MECOM: variants seen among roughly 807,000 people sequenced by gnomAD.
The protein encoded by MECOM is histone-lysine N-methyltransferase MECOM.
Under a neutral mutation model 116.3 loss-of-function variants are expected in MECOM, and 13 were observed. That is an observed-to-expected ratio of 0.11 (90% confidence interval 0.07 to 0.18). The LOEUF is 0.18. Ranked by LOEUF, MECOM falls within the 10% of genes least tolerant of loss-of-function variation. The pLI is 1.00. For missense variants in MECOM, 1,299 were observed against 1,509.0 expected, an observed-to-expected ratio of 0.86 and a Z score of 2.31; for synonymous variants, 528 against 535.2, an observed-to-expected ratio of 0.99 and a Z score of 0.19.
intron 1 of MECOM, among the ~76,000 whole-genome samples, chr3:169,553,606 C>T (rs1013697245): frequency 6.6e-6 from 1 of 152,198 alleles, no homozygotes; most frequent in African/African-American, 2.4e-5. Context: ...CCACAATTTC[C>T]ATTACAAAAT....
At chr3:169,326,991 A>G (rs1409173270) in intron 2 of MECOM, among the ~76,000 whole-genome samples, 1 of 152,208 alleles carries the variant, frequency 6.6e-6, no homozygotes, top group African/African-American at 2.4e-5. Flanking sequence ...CTTTCAATAA[A>G]CAGCTTTATG....
Position 169,495,321 on chromosome 3 carries a change from G to A in MECOM, c.38-113797C>T, listed in dbSNP as rs1002094850. On this transcript the variant is annotated intron_variant, in intron 1 of 16. Transcript: ENST00000651503. The stretch of plus-strand genomic sequence containing the variant: ...TTGTATGTGGGGGAGGACAGGGATG[G>A]AGCAGCAGATGGTTCAATTGTACAG... Among the ~76,000 whole-genome samples, 25 of 152,180 alleles carry A rather than the reference G, an allele frequency of 1.6e-4. 1 individual carries two copies. The highest frequency in any genetic ancestry group is 9.2e-4 in the Admixed American group (14 of 15,282).
At chr3:169,088,765 G>A (rs528773332) in intron 16 of MECOM, among the ~76,000 whole-genome samples, 30 of 152,202 alleles carry the variant, frequency 2.0e-4, no homozygotes, top group African/African-American at 6.7e-4. Flanking sequence ...AGTGTAGGAT[G>A]GGGCTTGTCA....
intron 2 of MECOM, among the ~76,000 whole-genome samples, chr3:169,237,319 A>G (rs1399033641): frequency 6.6e-6 from 1 of 152,152 alleles, no homozygotes; most frequent in Non-Finnish European, 1.5e-5. Context: ...TGAAATGTAA[A>G]ATCTTATCCT....
intron 1 of MECOM, among the ~76,000 whole-genome samples, chr3:169,490,775 T>C (rs1009965298): frequency 1.7e-4 from 26 of 152,194 alleles, no homozygotes; most frequent in Non-Finnish European, 3.7e-4. Flanking sequence ...TTATCTGTAA[T>C]ATTTTCTTTC....
chr3:169,424,015 A>G lies in MECOM; in HGVS notation c.38-42491T>C, dbSNP rs567507221. On this transcript the variant is annotated intron_variant, in intron 1 of 16. Coordinates refer to ENST00000651503, the MANE Select transcript of MECOM (RefSeq NM_004991.4). ...GATGGTCCCAGAGATTTAGTCTAAG[A>G]TGCAACAAGCCAAAAAATGTAGCCT... Among the ~76,000 whole-genome samples the G allele has an allele frequency of 2.0e-3, 298 of 152,238 alleles. 2 individuals are homozygous for G. The highest frequency in any genetic ancestry group is 2.9e-3 in the Non-Finnish European group (195 of 68,008).
At chr3:169,624,713 C>T (rs866621920) in intron 1 of MECOM, among the ~76,000 whole-genome samples, 3 of 152,282 alleles carry the variant, frequency 2.0e-5, no homozygotes, top group Non-Finnish European at 1.5e-5. Context: ...TTGTTATTCA[C>T]CCACAGGCTT....
chr3:169,100,103 T>A (rs1343489615), intron 12 of MECOM, among the ~76,000 whole-genome samples: 1 of 139,644 alleles, frequency 7.2e-6, no homozygotes, highest in South Asian at 2.4e-4. Context: ...CTTTCTTTCT[T>A]TTTTTTTTTT....
intron 1 of MECOM, among the ~76,000 whole-genome samples, chr3:169,486,381 G>A (rs950618121): frequency 1.3e-5 from 2 of 151,966 alleles, no homozygotes; most frequent in Admixed American, 1.3e-4. Flanking sequence ...AGCATCAAGT[G>A]TTTATGAGAG....
intron 1 of MECOM, among the ~76,000 whole-genome samples, chr3:169,504,163 G>GTGTGTA (rs2108992368): frequency 1.7e-5 from 2 of 114,860 alleles, no homozygotes; most frequent in African/African-American, 7.0e-5. Flanking sequence ...GTGTGTGTGT[G>GTGTGTA]TGTGTGTGTG....
chr3:169,348,674 T>C (rs898670738), intron 2 of MECOM, among the ~76,000 whole-genome samples: 1 of 152,064 alleles, frequency 6.6e-6, no homozygotes, highest in Non-Finnish European at 1.5e-5. Flanking sequence ...ACAGCTAATG[T>C]AAAAATGAAT....
At chr3:169,104,536 G>A (rs1724696966) in intron 10 of MECOM, among the ~76,000 whole-genome samples, 1 of 152,076 alleles carries the variant, frequency 6.6e-6, no homozygotes, top group Non-Finnish European at 1.5e-5. Context: ...TAATGCATGG[G>A]TAATGATTAT....
chr3:169,462,065 A>G (rs1471223865), intron 1 of MECOM, among the ~76,000 whole-genome samples: 2 of 152,120 alleles, frequency 1.3e-5, no homozygotes, highest in Non-Finnish European at 2.9e-5. Context: ...TGGGCTCTCA[A>G]TCGCCAAACC....
intron 1 of MECOM, among the ~76,000 whole-genome samples, chr3:169,485,837 A>ATATG (rs1553867460): frequency 0.017 from 2,397 of 140,346 alleles, 30 homozygotes; most frequent in Non-Finnish European, 0.026. Context: ...ATGTATATAT[A>ATATG]TGTGTGTGTG....
intron 2 of MECOM, among the ~76,000 whole-genome samples, chr3:169,231,312 A>T (rs533735950): frequency 6.6e-6 from 1 of 152,182 alleles, no homozygotes; most frequent in East Asian, 1.9e-4. Context: ...CTTGCACCAG[A>T]CACCAGGCTA....
At chr3:169,509,354 A>G (rs1755681066) in intron 1 of MECOM, among the ~76,000 whole-genome samples, 1 of 152,202 alleles carries the variant, frequency 6.6e-6, no homozygotes, top group Non-Finnish European at 1.5e-5. Flanking sequence ...CATATATAAG[A>G]TAAAATTTAC....
chr3:169,425,601 A>G (rs750614039), intron 1 of MECOM, among the ~76,000 whole-genome samples: 6 of 152,182 alleles, frequency 3.9e-5, no homozygotes, highest in Non-Finnish European at 5.9e-5. Context: ...TCCGACCACT[A>G]TATTACTTTA....
At chr3:169,172,407 A>ATGTGTGTGTG (rs5854312) in intron 2 of MECOM, among the ~76,000 whole-genome samples, 3,168 of 144,422 alleles carry the variant, frequency 0.022, 103 homozygotes, top group East Asian at 0.15. Flanking sequence ...GTACCCTTGT[A>ATGTGTGTGTG]TGTGTGTGTG....
At chr3:169,531,667 C>T (rs2109149472) in intron 1 of MECOM, among the ~76,000 whole-genome samples, 1 of 152,168 alleles carries the variant, frequency 6.6e-6, no homozygotes, top group East Asian at 1.9e-4. Context: ...TAAAATTGAC[C>T]TTCAGCAGGA....
Sources: gnomAD v4.1 joint callset for allele counts (sites outside exome capture counted in the v4.1 genomes callset) on GRCh38, gnomAD v4.1.1 for gene constraint, MANE v1.5 for transcripts, NCBI Gene and HGNC (gene_info 2026-07-23, HGNC 2026-07-21) for gene names.